The following GALM variants were observed in gnomAD, a reference collection of about 807,000 sequenced individuals.
GALM encodes the protein galactose mutarotase.
Under a neutral mutation model 37.4 loss-of-function variants are expected in GALM, and 43 were observed. The ratio of observed to expected loss-of-function variants is 1.15; its 90% CI spans 0.90 to 1.48. The LOEUF (loss-of-function observed/expected upper bound fraction) is 1.48. Among genes scored for constraint, GALM ranks in the 40% most tolerant of loss-of-function variants. GALM has a pLI of 0.00. For missense variants in GALM, 456 were observed against 419.1 expected (o/e 1.09, Z -0.77); for synonymous variants, 199 against 170.6 (o/e 1.17, Z -1.30).
chr2:38,691,389 T>C (rs527440483), intron 4 of GALM, among the ~76,000 whole-genome samples: 27 of 152,206 alleles, frequency 1.8e-4, no homozygotes, highest in Non-Finnish European at 2.9e-4. Context: ...TGCATAAAAC[T>C]TGCGTTCGCT....
chr2:38,695,659 TTATG>T (rs1665789049), intron 4 of GALM, among the ~76,000 whole-genome samples: 1 of 152,152 alleles, frequency 6.6e-6, no homozygotes, highest in South Asian at 2.1e-4. Flanking sequence ...AAATCCTTGT[TTATG>T]TGTGTGTGGT....
At chr2:38,688,277 C>T (rs184759918) in intron 3 of GALM, among the ~76,000 whole-genome samples, 21 of 151,490 alleles carry the variant, frequency 1.4e-4, no homozygotes, top group Admixed American at 9.2e-4. Context: ...TTTGGGAGGC[C>T]GAGGTGAGCA....
intron 5 of GALM, among the ~76,000 whole-genome samples, chr2:38,730,571 T>C (rs1666586904): frequency 6.6e-6 from 1 of 152,062 alleles, no homozygotes; most frequent in African/African-American, 2.4e-5. Context: ...GGTCAACAGT[T>C]TTTAAATAAA....
In GALM at chr2:38,731,863, C is replaced by G. The variant is rs1666616539; in HGVS notation, c.905C>G (p.Ser302Cys). The G allele has an allele frequency of 1.2e-6, 2 of 1,614,066 alleles. No individual in the cohort carries two copies. The highest frequency in any genetic ancestry group is 2.7e-5 in the African/African-American group (2 of 74,914). ...GKNGAVYPKH[S>C]GFCLETQNWP... The stretch of plus-strand genomic sequence containing the variant: ...AATGGAGCTGTCTATCCCAAGCACT[C>G]CGGTTTCTGCCTGGAGACTCAGAAC... Residue 302 changes from serine (S) to cysteine (C), a missense_variant, in exon 6 of 7, where the codon TCC becomes TGC. Transcript: ENST00000272252.
intron 4 of GALM, among the ~76,000 whole-genome samples, chr2:38,716,518 G>A (rs1055111044): frequency 1.3e-5 from 2 of 152,242 alleles, no homozygotes; most frequent in Non-Finnish European, 2.9e-5. Context: ...AGCCAGGGAT[G>A]CATGGCGGGG....
intron 3 of GALM, chr2:38,682,250 T>C (rs1273379712): frequency 6.6e-6 from 3 of 455,428 alleles, no homozygotes; most frequent in Non-Finnish European, 1.3e-5. Flanking sequence ...GGTAACAGTT[T>C]AGCTCATTGA....
At chr2:38,702,932 T>TATATATATATA in intron 4 of GALM, among the ~76,000 whole-genome samples, 1 of 134,874 alleles carries the variant, frequency 7.4e-6, no homozygotes, top group African/African-American at 2.8e-5. Flanking sequence ...TATATACTTT[T>TATATATATATA]TATATATATA....
chr2:38,703,436 T>G (rs1665971868), intron 4 of GALM, among the ~76,000 whole-genome samples: 1 of 151,866 alleles, frequency 6.6e-6, no homozygotes, highest in Non-Finnish European at 1.5e-5. Context: ...CAACACTGTG[T>G]GAGAACTGGG....
intron 4 of GALM, among the ~76,000 whole-genome samples, chr2:38,703,170 C>A (rs1216891524): frequency 8.3e-6 from 1 of 120,538 alleles, no homozygotes; most frequent in African/African-American, 3.3e-5. Context: ...TGCAATGGTG[C>A]GATCTCAGCT....
At chr2:38,722,030 T>TTCCCCCCCCCTCCCC (rs1666385953) in intron 4 of GALM, among the ~76,000 whole-genome samples, 1 of 41,386 alleles carries the variant, frequency 2.4e-5, no homozygotes, top group Non-Finnish European at 4.1e-5. Flanking sequence ...TGCCTTCCCT[T>TTCCCCCCCCCTCCCC]CCCCCCCCCA....
At chr2:38,696,678 C>T (rs1329945772) in intron 4 of GALM, among the ~76,000 whole-genome samples, 1 of 151,156 alleles carries the variant, frequency 6.6e-6, no homozygotes, top group Non-Finnish European at 1.5e-5. Context: ...CACTATGTTG[C>T]CCAGGCTGGT....
At chr2:38,727,724 CAAAAAAA>C (rs565518448) in intron 4 of GALM, among the ~76,000 whole-genome samples, 2 of 62,512 alleles carry the variant, frequency 3.2e-5, no homozygotes, top group Admixed American at 1.8e-4. Flanking sequence ...GACTACGTCT[CAAAAAAA>C]AAAAAAAAAG....
chr2:38,711,381 G>A (rs1185868117), intron 4 of GALM, among the ~76,000 whole-genome samples: 2 of 151,730 alleles, frequency 1.3e-5, no homozygotes, highest in South Asian at 2.1e-4. Flanking sequence ...CGCTGGTCTC[G>A]AACTCCCAAC....
Position 38,734,184 on chromosome 2 carries a change from G to C in GALM, c.*619G>C, listed in dbSNP as rs1666661090. The C allele has an allele frequency of 1.3e-5, 2 of 156,698 alleles. No individual in the cohort carries two copies. The highest frequency in any genetic ancestry group is 3.8e-4 in the South Asian group (2 of 5,206). The allele number at this position is 156,698 out of a possible 1,614,324, so 9.7% of individuals were successfully genotyped here. A position where few individuals can be genotyped will look rare whatever the true frequency, so the allele number is the denominator to read the frequency against. ...AAGGCCGAGGCAGGCGGATCACGAG[G>C]TCAGGAGATCGAGACCATCCTGGCT... On this transcript the variant is annotated 3_prime_UTR_variant, in exon 7 of 7. Coordinates refer to ENST00000272252, the MANE Select transcript of GALM (RefSeq NM_138801.3).
chr2:38,730,509 C>T (rs1419395976), intron 5 of GALM, among the ~76,000 whole-genome samples: 2 of 152,096 alleles, frequency 1.3e-5, no homozygotes, highest in Non-Finnish European at 2.9e-5. Flanking sequence ...TTGTAATCCA[C>T]CCACCTCGGC....
chr2:38,731,698 T>C, intron 5 of GALM, 37 bp from the exon 6 acceptor site: 2 of 1,572,584 alleles, frequency 1.3e-6, no homozygotes, highest in Non-Finnish European at 8.7e-7. Flanking sequence ...CACCTGCTTT[T>C]CTGCCCTGGA....
At position 38,733,684 on chromosome 2, in the gene GALM, G is replaced by A; in HGVS notation, c.*119G>A. Reference sequence around the variant, plus strand: ...TTCTATGGATTAAAATCATACAAATGGTGGCTGTTCTGAGAATCAGTCTGG... The same window carrying A: ...TTCTATGGATTAAAATCATACAAATAGTGGCTGTTCTGAGAATCAGTCTGG... On this transcript the variant is annotated 3_prime_UTR_variant, in exon 7 of 7. Coordinates refer to ENST00000272252, the MANE Select transcript of GALM (RefSeq NM_138801.3). 2 of 798,608 alleles carry A rather than the reference G, an allele frequency of 2.5e-6. No homozygotes were observed. The allele number at this position is 798,608 out of a possible 1,614,324, so 49.5% of individuals were successfully genotyped here.
At chr2:38,680,309 A>G (rs1030540704) in intron 2 of GALM, 1 of 178,310 alleles carries the variant, frequency 5.6e-6, no homozygotes, top group Admixed American at 5.9e-5. Context: ...GGCATGAGCT[A>G]TTGCACCTGA....
chr2:38,674,427 A>T (rs1665188599), intron 1 of GALM, among the ~76,000 whole-genome samples: 1 of 152,126 alleles, frequency 6.6e-6, no homozygotes, highest in Non-Finnish European at 1.5e-5. Flanking sequence ...TGACCTCGTG[A>T]TCCACCCTTC....
Sources: allele counts gnomAD v4.1 joint callset (sites outside exome capture counted in the v4.1 genomes callset), GRCh38; gene constraint gnomAD v4.1.1; transcripts MANE v1.5; gene names NCBI Gene and HGNC (gene_info 2026-07-23, HGNC 2026-07-21).